DIPK1A: variants seen among roughly 807,000 people sequenced by gnomAD.
The protein encoded by DIPK1A is family with sequence similarity 69 member A.
Under a neutral mutation model 40.8 loss-of-function variants are expected in DIPK1A, and 27 were observed. The observed-to-expected ratio is 0.66, with a 90% CI of 0.49 to 0.91. The LOEUF (loss-of-function observed/expected upper bound fraction) is 0.91. DIPK1A is among the 40% of genes least tolerant of loss of function. The pLI, the probability that DIPK1A is intolerant of heterozygous loss-of-function variation, is 0.00. For missense variants in DIPK1A, 412 were observed against 505.7 expected (o/e 0.81, Z 1.78); for synonymous variants, 166 against 171.3 (o/e 0.97, Z 0.24).
chr1:92,886,165 T>G (rs1277303504), intron 1 of DIPK1A, among the ~76,000 whole-genome samples: 1 of 151,978 alleles, frequency 6.6e-6, no homozygotes, highest in East Asian at 1.9e-4. Context: ...AGACCCTGTC[T>G]CTACAAAAAA....
chr1:92,896,008 T>C (rs1468598442), intron 1 of DIPK1A, among the ~76,000 whole-genome samples: 1 of 151,806 alleles, frequency 6.6e-6, no homozygotes, highest in East Asian at 1.9e-4. Flanking sequence ...TAAAAGAGGA[T>C]ACAAACAAAT....
In DIPK1A at chr1:92,956,348, A is replaced by G. The variant is rs147137976; in HGVS notation, c.54+5028T>C. Among the ~76,000 whole-genome samples, 45 of 152,346 alleles carry G rather than the reference A, an allele frequency of 3.0e-4. No individual in the cohort carries two copies. The East Asian group carries it at 6.4e-3, about 22-fold the overall frequency. The stretch of plus-strand genomic sequence containing the variant: ...AAAGGTTCAAAAGCAACTAATGGTA[A>G]TATCAAGTGGCTCTCTGTACACATA... On this transcript the variant is annotated intron_variant, in intron 1 of 4. Coordinates refer to ENST00000370310, the MANE Select transcript of DIPK1A (RefSeq NM_001006605.5).
chr1:92,938,316 G>A (rs143741644), intron 1 of DIPK1A, among the ~76,000 whole-genome samples: 544 of 152,182 alleles, frequency 3.6e-3, no homozygotes, highest in Non-Finnish European at 5.3e-3. Context: ...GAATTAGCCA[G>A]CCATGGTGGT....
At chr1:92,956,388 C>A (rs1651856325) in intron 1 of DIPK1A, among the ~76,000 whole-genome samples, 1 of 152,164 alleles carries the variant, frequency 6.6e-6, no homozygotes, top group South Asian at 2.1e-4. Context: ...TCTCAGAAAG[C>A]TAATCATAGT....
intron 4 of DIPK1A, chr1:92,833,088 A>AT: frequency 1.4e-6 from 1 of 709,000 alleles, no homozygotes; most frequent in Non-Finnish European, 2.6e-6. Flanking sequence ...TGAAAGCAAT[A>AT]TAACAATAAT....
chr1:92,949,368 G>A (rs376272011), intron 1 of DIPK1A, among the ~76,000 whole-genome samples: 151 of 152,000 alleles, frequency 9.9e-4, no homozygotes, highest in Non-Finnish European at 1.7e-3. Flanking sequence ...TCCACCTCCC[G>A]GGTTCAAGCA....
intron 1 of DIPK1A, among the ~76,000 whole-genome samples, chr1:92,926,011 CT>C (rs947462799): frequency 4.0e-5 from 6 of 151,822 alleles, no homozygotes; most frequent in Admixed American, 3.3e-4. Flanking sequence ...TTTTTTTGAT[CT>C]TTTGAAAAAA....
At chr1:92,956,499 T>C (rs1266429295) in intron 1 of DIPK1A, among the ~76,000 whole-genome samples, 2 of 152,212 alleles carry the variant, frequency 1.3e-5, no homozygotes, top group African/African-American at 4.8e-5. Context: ...TCTCCCTCTA[T>C]TGTCTTTGGA....
chr1:92,957,018 A>G (rs1489278050), intron 1 of DIPK1A, among the ~76,000 whole-genome samples: 2 of 152,216 alleles, frequency 1.3e-5, no homozygotes, highest in Admixed American at 1.3e-4. Flanking sequence ...GGAATGGAAA[A>G]TGTGTATAAT....
Position 92,961,445 on chromosome 1 carries a change from CCCCG to C in DIPK1A, c.-20_-17del, listed in dbSNP as rs1652091821. The C allele has an allele frequency of 2.0e-6, 3 of 1,485,904 alleles. No homozygotes were observed. The African/African-American group carries it at 4.4e-5, about 22-fold the overall frequency. 92.0% of individuals were successfully genotyped at this position (1,485,904 alleles called of 1,614,324 possible). ...TCCTCGCCATGGTAATCACACATCGCCCCGCCGCGCTGCAGTCAGAGGCGGACCC... is the reference window on the plus strand; with the variant it reads ...TCCTCGCCATGGTAATCACACATCGCCCGCGCTGCAGTCAGAGGCGGACCC... On this transcript the variant is annotated 5_prime_UTR_variant, in exon 1 of 5. Transcript: ENST00000370310.
In DIPK1A at chr1:92,863,012, A is replaced by G. The variant is rs145412688; in HGVS notation, c.190-12057T>C. 3.0e-3 allele frequency among the ~76,000 whole-genome samples: 462 copies of G among 152,322 alleles called. 3 individuals carry two copies. Among genetic ancestry groups the G allele is most frequent in the African/African-American group, 0.01 (429 of 41,570 alleles). On this transcript the variant is annotated intron_variant, in intron 2 of 4. Coordinates refer to ENST00000370310, the MANE Select transcript of DIPK1A (RefSeq NM_001006605.5). ...GAAAAATTATTGTTGTTTATTGGCAATATTTGGGATATACTTATACTCAAG... is the reference window on the plus strand; with the variant it reads ...GAAAAATTATTGTTGTTTATTGGCAGTATTTGGGATATACTTATACTCAAG...
intron 1 of DIPK1A, among the ~76,000 whole-genome samples, chr1:92,925,746 A>G (rs4450029): frequency 0.32 from 48,448 of 151,888 alleles, 8,215 homozygotes; most frequent in Non-Finnish European, 0.37. Flanking sequence ...CACCCTCCTC[A>G]GCCTCCCAAA....
rs532459164 is a variant in DIPK1A at position 92,907,707 on chromosome 1, G to C, written c.55-31277C>G. ...TTCTCCTGCCTCAGCCTCCCAAAGTGGTGGGATTACAGGCATGAGCCACCA... is the reference window on the plus strand; with the variant it reads ...TTCTCCTGCCTCAGCCTCCCAAAGTCGTGGGATTACAGGCATGAGCCACCA... On this transcript the variant is annotated intron_variant, in intron 1 of 4. Coordinates refer to ENST00000370310, the MANE Select transcript of DIPK1A (RefSeq NM_001006605.5). Among the ~76,000 whole-genome samples, 54 of 152,132 alleles carry C rather than the reference G, an allele frequency of 3.5e-4. 1 individual carries two copies. The highest frequency in any genetic ancestry group is 4.2e-4 in the South Asian group (2 of 4,812).
chr1:92,902,860 T>G (rs1649472765), intron 1 of DIPK1A, among the ~76,000 whole-genome samples: 2 of 152,140 alleles, frequency 1.3e-5, no homozygotes, highest in Admixed American at 1.3e-4. Flanking sequence ...AAAATGTGGT[T>G]TAGCTATTGT....
At chr1:92,861,941 G>C (rs1039570996) in intron 2 of DIPK1A, among the ~76,000 whole-genome samples, 1 of 152,140 alleles carries the variant, frequency 6.6e-6, no homozygotes, top group East Asian at 1.9e-4. Flanking sequence ...TACCACACCC[G>C]GCTAAGTTTT....
intron 1 of DIPK1A, among the ~76,000 whole-genome samples, chr1:92,897,826 T>C (rs1649240588): frequency 6.6e-6 from 1 of 151,636 alleles, no homozygotes; most frequent in Non-Finnish European, 1.5e-5. Flanking sequence ...GGCTAGATAA[T>C]GTATAAAAAC....
chr1:92,927,590 A>G (rs995767841), intron 1 of DIPK1A, among the ~76,000 whole-genome samples: 1 of 152,074 alleles, frequency 6.6e-6, no homozygotes, highest in Non-Finnish European at 1.5e-5. Context: ...ATCCCCTTCA[A>G]AGAAACCCTG....
chr1:92,926,673 T>C (rs1019708007), intron 1 of DIPK1A, among the ~76,000 whole-genome samples: 2 of 152,256 alleles, frequency 1.3e-5, no homozygotes, highest in Non-Finnish European at 2.9e-5. Flanking sequence ...TTATGGTTTA[T>C]GTATTTTGAA....
chr1:92,944,595 C>T (rs557020746), intron 1 of DIPK1A, among the ~76,000 whole-genome samples: 60 of 152,320 alleles, frequency 3.9e-4, no homozygotes, highest in African/African-American at 1.3e-3. Context: ...CTGAGCCCAA[C>T]TACGAACAAG....
Sources: allele counts gnomAD v4.1 joint callset (sites outside exome capture counted in the v4.1 genomes callset), GRCh38; gene constraint gnomAD v4.1.1; transcripts MANE v1.5; gene names NCBI Gene and HGNC (gene_info 2026-07-23, HGNC 2026-07-21).